BBX: variants seen among roughly 807,000 people sequenced by gnomAD.
BBX encodes HMG box transcription factor BBX.
A neutral mutation model predicts 100.2 loss-of-function variants in BBX; 30 were observed. The observed-to-expected ratio is 0.30, with a 90% CI of 0.22 to 0.41. The LOEUF (loss-of-function observed/expected upper bound fraction) is 0.41, where lower values mean the gene tolerates loss of function less well. BBX is among the 10% of genes least tolerant of loss of function. The pLI is 1.00. For missense variants in BBX, 1,023 were observed against 1,129.8 expected (o/e 0.91, Z 1.35); for synonymous variants, 376 against 388.1 (o/e 0.97, Z 0.37).
At position 107,808,337 on chromosome 3, in the gene BBX, C is replaced by G. The variant is rs1189197087; in HGVS notation, c.*2880C>G. On this transcript the variant is annotated 3_prime_UTR_variant, in exon 18 of 18. Transcript: ENST00000325805. ...TGTATCATATCTTTCTGAAACCATT[C>G]TGAATTTAGTTGAAATTATCAATAT... 6.6e-6 allele frequency: 1 copy of G among 152,076 alleles called. No homozygotes were observed. Among genetic ancestry groups the G allele is most frequent in the Non-Finnish European group, 1.5e-5 (1 of 68,004 alleles). 9.4% of individuals were successfully genotyped at this position (152,076 alleles called of 1,614,324 possible). A position where few individuals can be genotyped will look rare whatever the true frequency, so the allele number is the denominator to read the frequency against.
rs1230964594 is a variant in BBX, at chr3:107,721,043, C to G, written c.405+4194C>G. Among the ~76,000 whole-genome samples, 3 of 152,082 alleles carry G rather than the reference C, an allele frequency of 2.0e-5. No homozygotes were observed. In the East Asian group the frequency reaches 5.8e-4, roughly 29 times the overall value. On this transcript the variant is annotated intron_variant, in intron 5 of 17. Coordinates refer to ENST00000325805, the MANE Select transcript of BBX (RefSeq NM_001142568.3). ...TTTGCCTACTATTAGAGTAGCACCT[C>G]ATTTATCCAGCATTCTGAGAAACAG...
At chr3:107,688,204 G>A (rs531062560) in intron 3 of BBX, among the ~76,000 whole-genome samples, 3 of 152,332 alleles carry the variant, frequency 2.0e-5, no homozygotes, top group African/African-American at 7.2e-5. Flanking sequence ...GGCCCAGCCA[G>A]TTCTTCTAGG....
chr3:107,597,513 T>C (rs2053744803), intron 2 of BBX, among the ~76,000 whole-genome samples: 1 of 152,196 alleles, frequency 6.6e-6, no homozygotes, highest in Non-Finnish European at 1.5e-5. Context: ...TCATAATTAG[T>C]ATATGAATAT....
In BBX at chr3:107,584,110, AT is replaced by A. The variant is rs2052578957; in HGVS notation, c.-84+57714del. Among the ~76,000 whole-genome samples, 2 of 13,766 alleles carry A rather than the reference AT, an allele frequency of 1.5e-4. 1 individual carries two copies. The highest frequency in any genetic ancestry group is 5.9e-4 in the African/African-American group (2 of 3,370). The allele number at this position is 13,766 out of a possible 152,430, so 9.0% of individuals were successfully genotyped here. A position where few individuals can be genotyped will look rare whatever the true frequency, so the allele number is the denominator to read the frequency against. On this transcript the variant is annotated intron_variant, in intron 2 of 17. Coordinates refer to ENST00000325805, the MANE Select transcript of BBX (RefSeq NM_001142568.3). Reference sequence around the variant, plus strand: ...ATATCATATATTATATATATTATATATTATATATAATATATATATTATTATA... The same window carrying A: ...ATATCATATATTATATATATTATATATATATATAATATATATATTATTATA...
intron 3 of BBX, among the ~76,000 whole-genome samples, chr3:107,699,264 T>G (rs2060879118): frequency 6.6e-6 from 1 of 151,416 alleles, no homozygotes; most frequent in Admixed American, 6.6e-5. Flanking sequence ...GGGATAAGAG[T>G]TCCACCGGAA....
intron 2 of BBX, among the ~76,000 whole-genome samples, chr3:107,629,691 T>G (rs967582534): frequency 2.0e-5 from 3 of 152,192 alleles, no homozygotes; most frequent in African/African-American, 7.2e-5. Flanking sequence ...CACAGAAATT[T>G]TGCCCTCCTC....
intron 17 of BBX, 140 bp downstream of exon 17, chr3:107,801,421 G>A: frequency 1.2e-6 from 1 of 852,940 alleles, no homozygotes; most frequent in Non-Finnish European, 1.8e-6. Context: ...TATTACAAAA[G>A]CATATATGCT....
intron 7 of BBX, among the ~76,000 whole-genome samples, chr3:107,743,240 T>C (rs1281293802): frequency 6.6e-6 from 1 of 152,226 alleles, no homozygotes; most frequent in African/African-American, 2.4e-5. Flanking sequence ...ATATATTTTT[T>C]GATAAAGCAG....
intron 2 of BBX, among the ~76,000 whole-genome samples, chr3:107,622,671 TTGAG>T (rs1328348432): frequency 1.3e-5 from 2 of 152,226 alleles, no homozygotes; most frequent in African/African-American, 4.8e-5. Context: ...TATCTGTTGC[TTGAG>T]TGTCTTTTTT....
At chr3:107,683,428 A>G (rs1187576849) in intron 3 of BBX, among the ~76,000 whole-genome samples, 1 of 152,126 alleles carries the variant, frequency 6.6e-6, no homozygotes, top group Non-Finnish European at 1.5e-5. Flanking sequence ...TTCAGGGAAA[A>G]GAAAATAGCT....
At chr3:107,633,751 T>C (rs1189629463) in intron 2 of BBX, among the ~76,000 whole-genome samples, 1 of 152,262 alleles carries the variant, frequency 6.6e-6, no homozygotes, top group Non-Finnish European at 1.5e-5. Flanking sequence ...CATCTGCTTA[T>C]TGATTTCAGT....
intron 2 of BBX, among the ~76,000 whole-genome samples, chr3:107,643,452 A>G (rs1303638052): frequency 1.3e-5 from 2 of 151,978 alleles, no homozygotes; most frequent in Non-Finnish European, 2.9e-5. Flanking sequence ...GGCCTTGAAA[A>G]GGGAAAGACA....
chr3:107,705,887 C>T lies in BBX; in HGVS notation c.-9-4565C>T, dbSNP rs146844167. Among the ~76,000 whole-genome samples, 73 of 152,170 alleles carry T rather than the reference C, an allele frequency of 4.8e-4. 1 individual carries two copies. Among genetic ancestry groups the T allele is most frequent in the African/African-American group, 1.6e-3 (65 of 41,514 alleles). On this transcript the variant is annotated intron_variant, in intron 3 of 17. Transcript: ENST00000325805. ...GATTCTAAAGGAAGCCTATCAGGCT[C>T]CAGTGTCCTTTTTTTTTCTTCTTCT... is the stretch of plus-strand genomic sequence containing the variant.
chr3:107,750,145 A>G (rs2064964556), intron 9 of BBX, among the ~76,000 whole-genome samples: 1 of 152,104 alleles, frequency 6.6e-6, no homozygotes, highest in Non-Finnish European at 1.5e-5. Flanking sequence ...AATTATACTA[A>G]GTTTTCTTCT....
intron 3 of BBX, among the ~76,000 whole-genome samples, chr3:107,708,629 G>A (rs1449438240): frequency 2.1e-5 from 3 of 142,930 alleles, no homozygotes; most frequent in African/African-American, 5.2e-5. Flanking sequence ...AGCTGAGATC[G>A]CACCACTGCA....
At chr3:107,767,013 G>A (rs1433716628) in intron 10 of BBX, among the ~76,000 whole-genome samples, 1 of 152,156 alleles carries the variant, frequency 6.6e-6, no homozygotes, top group Non-Finnish European at 1.5e-5. Flanking sequence ...GAGAACACAT[G>A]GACACAGGGA....
chr3:107,699,271 G>A (rs932724629), intron 3 of BBX, among the ~76,000 whole-genome samples: 3 of 151,790 alleles, frequency 2.0e-5, no homozygotes, highest in Admixed American at 1.3e-4. Flanking sequence ...GAGTTCCACC[G>A]GAAGGAAACA....
At chr3:107,653,923 A>G (rs2057989804) in intron 3 of BBX, among the ~76,000 whole-genome samples, 1 of 152,134 alleles carries the variant, frequency 6.6e-6, no homozygotes, top group Admixed American at 6.6e-5. Context: ...ATCAAATGTG[A>G]GATGTATCCA....
chr3:107,687,610 T>G (rs547940634), intron 3 of BBX, among the ~76,000 whole-genome samples: 19 of 152,304 alleles, frequency 1.2e-4, no homozygotes, highest in African/African-American at 4.6e-4. Context: ...TAATTTTGTC[T>G]TGAACCGGCC....
Sources: gnomAD v4.1 joint callset for allele counts (sites outside exome capture counted in the v4.1 genomes callset) on GRCh38, gnomAD v4.1.1 for gene constraint, MANE v1.5 for transcripts, NCBI Gene and HGNC (gene_info 2026-07-23, HGNC 2026-07-21) for gene names.